The following PAX5 variants were observed in gnomAD, a reference collection of about 807,000 sequenced individuals.
PAX5 encodes paired box 5.
A neutral mutation model predicts 43.7 loss-of-function variants in PAX5; 9 were observed. The observed-to-expected ratio is 0.21, with a 90% CI of 0.12 to 0.36. The LOEUF is 0.36. PAX5 is among the 10% of genes least tolerant of loss of function. The pLI is 1.00. For missense variants in PAX5, 383 were observed against 532.7 expected, an observed-to-expected ratio of 0.72 and a Z score of 2.77; for synonymous variants, 228 against 214.3, an observed-to-expected ratio of 1.06 and a Z score of -0.56.
intron 8 of PAX5, among the ~76,000 whole-genome samples, chr9:36,853,339 T>TA (rs1823347321): frequency 6.6e-6 from 1 of 152,150 alleles, no homozygotes; most frequent in Admixed American, 6.5e-5. Flanking sequence ...CCTACCAAGA[T>TA]ATATTAATAG....
Position 37,015,094 on chromosome 9 carries a change from G to T in PAX5, c.313C>A (p.Gln105Lys), listed in dbSNP as rs757552377. The change falls in exon 3 of 10, where the codon CAA (glutamine) becomes AAA (lysine). Residue 105 changes from glutamine (Q) to lysine (K), a missense_variant. By Grantham distance (53) the Gln-to-Lys change is moderately conservative. Transcript: ENST00000358127. This position sits in a 1 kb window ranked among gnomAD's most constrained non-coding sequence, Gnocchi z 4.4. ...TCCCAGGCAAACATGGTGGGATTTTGGCGTTTATATTCAGCGATTTTTTCC... is the reference window on the plus strand; with the variant it reads ...TCCCAGGCAAACATGGTGGGATTTTTGCGTTTATATTCAGCGATTTTTTCC... ...VVEKIAEYKR[Q>K]NPTMFAWEIR... is the part of the protein sequence containing the mutation. 3 of 1,614,184 alleles carry T rather than the reference G, an allele frequency of 1.9e-6. No homozygotes were observed. The highest frequency in any genetic ancestry group is 2.2e-5 in the South Asian group (2 of 91,080).
intron 8 of PAX5, among the ~76,000 whole-genome samples, chr9:36,879,119 T>A (rs1018612044): frequency 6.6e-6 from 1 of 152,164 alleles, no homozygotes; most frequent in African/African-American, 2.4e-5. Context: ...CAGAGTCCCA[T>A]GGGGCCCTGG....
chr9:36,893,856 C>T (rs980451510), intron 7 of PAX5, among the ~76,000 whole-genome samples: 1 of 152,178 alleles, frequency 6.6e-6, no homozygotes, highest in Admixed American at 6.5e-5. Flanking sequence ...CATCAGAGGA[C>T]GGTGACGGTA....
intron 6 of PAX5, among the ~76,000 whole-genome samples, chr9:36,961,412 A>G (rs1010490306): frequency 2.7e-4 from 41 of 152,146 alleles, no homozygotes; most frequent in African/African-American, 7.5e-4. Context: ...CTCTGGCCCA[A>G]TGGGAGGGAG....
At chr9:36,859,637 G>A (rs942274207) in intron 8 of PAX5, among the ~76,000 whole-genome samples, 7 of 152,164 alleles carry the variant, frequency 4.6e-5, no homozygotes, top group Non-Finnish European at 1.0e-4. Flanking sequence ...ATTCCTGTAA[G>A]TTTTACTGCT....
At chr9:36,925,126 C>T (rs1171908629) in intron 6 of PAX5, among the ~76,000 whole-genome samples, 3 of 152,084 alleles carry the variant, frequency 2.0e-5, no homozygotes, top group Non-Finnish European at 4.4e-5. Flanking sequence ...CAGGCACATT[C>T]CTGGTGTCTT....
chr9:36,892,856 G>T (rs60364060), intron 7 of PAX5, among the ~76,000 whole-genome samples: 6,290 of 152,324 alleles, frequency 0.041, 162 homozygotes, highest in East Asian at 0.097. Flanking sequence ...TAAGTGAACA[G>T]GCAAGTGTGG....
chr9:37,031,587 C>T (rs1840988232), intron 1 of PAX5, among the ~76,000 whole-genome samples: 3 of 152,098 alleles, frequency 2.0e-5, no homozygotes, highest in Admixed American at 2.0e-4. Context: ...GTCTCTTCTC[C>T]CAGCAGGAAC....
At chr9:36,842,854 C>T (rs946559905) in intron 9 of PAX5, among the ~76,000 whole-genome samples, 14 of 152,150 alleles carry the variant, frequency 9.2e-5, no homozygotes, top group Admixed American at 7.2e-4. Flanking sequence ...GACATTCTCC[C>T]GAGAAGTCAA....
chr9:36,868,981 G>A (rs746310250), intron 8 of PAX5, among the ~76,000 whole-genome samples: 2 of 152,208 alleles, frequency 1.3e-5, no homozygotes, highest in Non-Finnish European at 2.9e-5. Flanking sequence ...TGAGCTTACG[G>A]GCATGGGTGG....
At chr9:36,889,939 A>C (rs1827227538) in intron 7 of PAX5, among the ~76,000 whole-genome samples, 1 of 92,104 alleles carries the variant, frequency 1.1e-5, no homozygotes, top group African/African-American at 5.5e-5. Context: ...TATGTACACT[A>C]ACGGGGGGGG....
chr9:37,016,054 A>C (rs1439746402), intron 2 of PAX5, among the ~76,000 whole-genome samples: 1 of 152,268 alleles, frequency 6.6e-6, no homozygotes, highest in Non-Finnish European at 1.5e-5. Context: ...GAATGAACAA[A>C]TAAATGAATA....
rs1231477440 is a variant in PAX5, at chr9:37,034,184, C to G, written c.-153G>C. The G allele has an allele frequency of 1.3e-5, 8 of 599,412 alleles. No individual in the cohort carries two copies. The highest frequency in any genetic ancestry group is 6.1e-5 in the Admixed American group (2 of 32,576). 37.1% of individuals were successfully genotyped at this position (599,412 alleles called of 1,614,324 possible). ...TCAAGCCTTCCGCTCCCCCGCCGAG[C>G]TGGGGTAGCTGATCACTGAGCTGAA... is the stretch of plus-strand genomic sequence containing the variant. On this transcript the variant is annotated 5_prime_UTR_variant, in exon 1 of 10. Transcript: ENST00000358127.
At chr9:36,940,526 C>T (rs1370051706) in intron 6 of PAX5, among the ~76,000 whole-genome samples, 4 of 152,122 alleles carry the variant, frequency 2.6e-5, no homozygotes, top group Admixed American at 2.6e-4. Context: ...GCGCACACGA[C>T]CCCCAGGAGC....
intron 6 of PAX5, among the ~76,000 whole-genome samples, chr9:36,941,444 G>C (rs1158325125): frequency 2.0e-5 from 3 of 152,172 alleles, no homozygotes; most frequent in Non-Finnish European, 2.9e-5. Context: ...GTCTTGAGGG[G>C]TATCCTATGC....
intron 8 of PAX5, among the ~76,000 whole-genome samples, chr9:36,854,340 C>T (rs769858770): frequency 3.9e-5 from 6 of 152,270 alleles, no homozygotes; most frequent in Admixed American, 6.5e-5. Flanking sequence ...CCGATATACA[C>T]GTACACATGC....
intron 5 of PAX5, among the ~76,000 whole-genome samples, chr9:36,985,122 A>C (rs1836281102): frequency 1.3e-5 from 2 of 152,208 alleles, no homozygotes; most frequent in African/African-American, 4.8e-5. Flanking sequence ...CTGCCTCTCA[A>C]ACACGCTGGG....
At chr9:36,880,356 G>C (rs1014059530) in intron 8 of PAX5, among the ~76,000 whole-genome samples, 1 of 152,252 alleles carries the variant, frequency 6.6e-6, no homozygotes, top group Non-Finnish European at 1.5e-5. Context: ...CAGTGACATG[G>C]GCTGGCTTTA....
intron 7 of PAX5, among the ~76,000 whole-genome samples, chr9:36,910,645 A>T (rs1192931290): frequency 6.6e-6 from 1 of 152,224 alleles, no homozygotes; most frequent in Admixed American, 6.5e-5. Context: ...GACTTTGTAG[A>T]TACCTCAGCT....
Sources: gnomAD v4.1 joint callset for allele counts (sites outside exome capture counted in the v4.1 genomes callset) on GRCh38, gnomAD v4.1.1 for gene constraint, Gnocchi (gnomAD v3.1) non-coding constraint, MANE v1.5 for transcripts, NCBI Gene and HGNC (gene_info 2026-07-23, HGNC 2026-07-21) for gene names.